Variants in EPHA3 observed in about 807,000 individuals in gnomAD.
EPHA3 encodes the protein EPH receptor A3.
EPHA3 carries 42 observed loss-of-function variants against 107.1 expected under a neutral mutation model. The ratio of observed to expected loss-of-function variants is 0.39; its 90% CI spans 0.31 to 0.51. The LOEUF is 0.51. Among genes scored for constraint, EPHA3 ranks in the 20% least tolerant of loss-of-function variants. The probability of loss-of-function intolerance (pLI) is 0.78; values close to 1 mark genes in which losing one functional copy is unlikely to be tolerated. For missense variants in EPHA3, 1,183 were observed against 1,211.2 expected (o/e 0.98, Z 0.35); for synonymous variants, 461 against 424.8 (o/e 1.09, Z -1.05).
intron 3 of EPHA3, among the ~76,000 whole-genome samples, chr3:89,256,419 A>G (rs997500172): frequency 1.5e-4 from 22 of 151,158 alleles, no homozygotes; most frequent in African/African-American, 5.4e-4. Context: ...AAAAACAAAA[A>G]AATTAGCTGG....
chr3:89,231,074 T>A (rs78549704), intron 3 of EPHA3, among the ~76,000 whole-genome samples: 33 of 152,246 alleles, frequency 2.2e-4, no homozygotes, highest in Middle Eastern at 3.4e-3. Context: ...AATTTTAAAA[T>A]AATTGAATTT....
chr3:89,138,986 T>C (rs1333668949), intron 2 of EPHA3, among the ~76,000 whole-genome samples: 1 of 150,800 alleles, frequency 6.6e-6, no homozygotes, highest in Non-Finnish European at 1.5e-5. Context: ...AACAAAAGAG[T>C]GTGTGTTGGG....
chr3:89,434,918 A>G (rs1028498249), intron 13 of EPHA3, among the ~76,000 whole-genome samples: 1 of 152,110 alleles, frequency 6.6e-6, no homozygotes, highest in African/African-American at 2.4e-5. Context: ...CAAAATATCC[A>G]TGGGAGTCCT....
In EPHA3 at chr3:89,472,489, A is replaced by C; in HGVS notation, c.2716A>C (p.Ser906Arg). Reference sequence around the variant, plus strand: ...GCCATCAAACCTTCTTCTGGACCAAAGCAATGTGGATATCACTACCTTCCG... The same window carrying C: ...GCCATCAAACCTTCTTCTGGACCAACGCAATGTGGATATCACTACCTTCCG... Reference protein sequence around the residue: ...ARPSNLLLDQSNVDITTFRTT... With the variant: ...ARPSNLLLDQRNVDITTFRTT... The change falls in exon 16 of 17, where the codon AGC (serine) becomes CGC (arginine). Residue 906 changes from serine to arginine, a missense_variant. By Grantham distance (110) the Ser-to-Arg change is moderately radical. Coordinates refer to ENST00000336596, the MANE Select transcript of EPHA3 (RefSeq NM_005233.6). 1.2e-6 allele frequency: 2 copies of C among 1,613,950 alleles called. No individual in the cohort carries two copies. The highest frequency in any genetic ancestry group is 1.7e-6 in the Non-Finnish European group (2 of 1,179,940).
At position 89,352,721 on chromosome 3, in the gene EPHA3, T is replaced by C. The variant is rs1436962880; in HGVS notation, c.1306+10631T>C. Among the ~76,000 whole-genome samples, 4 of 150,296 alleles carry C rather than the reference T, an allele frequency of 2.7e-5. 1 individual carries two copies. The highest frequency in any genetic ancestry group is 5.9e-5 in the Non-Finnish European group (4 of 67,284). On this transcript the variant is annotated intron_variant, in intron 5 of 16. Transcript: ENST00000336596. ...GAATTCAAGACCAGCCTGGTCAACA[T>C]GGTGAAACCCTGTCTCTACAAAAAT...
At chr3:89,250,015 C>T (rs769910379) in intron 3 of EPHA3, among the ~76,000 whole-genome samples, 19 of 152,134 alleles carry the variant, frequency 1.2e-4, no homozygotes, top group Non-Finnish European at 2.5e-4. Context: ...GACTTACTAG[C>T]TTCCTAACCA....
At chr3:89,328,577 T>C (rs1052711727) in intron 3 of EPHA3, among the ~76,000 whole-genome samples, 21 of 152,224 alleles carry the variant, frequency 1.4e-4, no homozygotes, top group African/African-American at 4.6e-4. Flanking sequence ...ATGTTAATGC[T>C]ACATTAGTTG....
intron 3 of EPHA3, among the ~76,000 whole-genome samples, chr3:89,279,598 C>T (rs1705891944): frequency 6.6e-6 from 1 of 152,012 alleles, no homozygotes; most frequent in African/African-American, 2.4e-5. Flanking sequence ...TAATGTAAAA[C>T]TTTGGCTAAT....
Position 89,450,342 on chromosome 3 carries a change from C to G in EPHA3, c.2662C>G (p.Leu888Val), listed in dbSNP as rs559771730. 6.2e-7 allele frequency: 1 copy of G among 1,613,458 alleles called. No individual in the cohort carries two copies. The highest frequency in any genetic ancestry group is 2.2e-5 in the East Asian group (1 of 44,850). Reference protein sequence around the residue: ...LDKLIRNPGSLKIITSAAARP... With the variant: ...LDKLIRNPGSVKIITSAAARP... ...CAAGCTTATCCGGAATCCCGGCAGC[C>G]TGAAGATCATCACCAGTGCAGCCGC... Residue 888 changes from leucine to valine, a missense_variant, in exon 15 of 17, where the codon CTG becomes GTG. Coordinates refer to ENST00000336596, the MANE Select transcript of EPHA3 (RefSeq NM_005233.6).
chr3:89,253,747 C>G (rs1705215730), intron 3 of EPHA3, among the ~76,000 whole-genome samples: 1 of 151,812 alleles, frequency 6.6e-6, no homozygotes, highest in Non-Finnish European at 1.5e-5. Context: ...AATAACAAAG[C>G]TCAAAATTAA....
At chr3:89,285,071 C>T (rs550138128) in intron 3 of EPHA3, among the ~76,000 whole-genome samples, 1 of 152,084 alleles carries the variant, frequency 6.6e-6, no homozygotes, top group African/African-American at 2.4e-5. Flanking sequence ...TGCAGTGAGC[C>T]GAGATCATGC....
At chr3:89,329,495 T>C (rs1458563870) in intron 3 of EPHA3, among the ~76,000 whole-genome samples, 1 of 152,116 alleles carries the variant, frequency 6.6e-6, no homozygotes, top group African/African-American at 2.4e-5. Context: ...ATATTTCCAA[T>C]ACGCTATTTT....
chr3:89,194,433 G>T (rs1397124533), intron 2 of EPHA3, among the ~76,000 whole-genome samples: 3 of 151,910 alleles, frequency 2.0e-5, no homozygotes, highest in Non-Finnish European at 4.4e-5. Context: ...CTAAGAGTAA[G>T]AAGATCTGGT....
intron 5 of EPHA3, 137 bp downstream of exon 5, chr3:89,342,227 A>T (rs1250976805): frequency 1.5e-6 from 1 of 656,138 alleles, no homozygotes; most frequent in Non-Finnish European, 2.5e-6. Context: ...ACATTTAAAC[A>T]GTTATGGCAC....
intron 14 of EPHA3, 89 bp from the exon 15 acceptor site, chr3:89,450,088 C>A: frequency 9.5e-7 from 1 of 1,055,478 alleles, no homozygotes; most frequent in Non-Finnish European, 1.3e-6. Context: ...TTAAAATAAG[C>A]ATATTTGTGA....
intron 2 of EPHA3, among the ~76,000 whole-genome samples, chr3:89,193,762 A>C (rs1705774078): frequency 6.6e-6 from 1 of 152,010 alleles, no homozygotes; most frequent in African/African-American, 2.4e-5. Flanking sequence ...TTTTTTAGAA[A>C]AATTTAATTA....
At chr3:89,165,031 G>T (rs953376264) in intron 2 of EPHA3, among the ~76,000 whole-genome samples, 1 of 152,134 alleles carries the variant, frequency 6.6e-6, no homozygotes, top group Non-Finnish European at 1.5e-5. Flanking sequence ...TTTAAAGATT[G>T]CAGGTCCTTC....
At chr3:89,335,093 A>AAT in intron 3 of EPHA3, among the ~76,000 whole-genome samples, 1 of 152,332 alleles carries the variant, frequency 6.6e-6, no homozygotes, top group South Asian at 2.1e-4. Context: ...TATTACTATA[A>AAT]GACACAATAA....
intron 15 of EPHA3, among the ~76,000 whole-genome samples, chr3:89,460,438 A>G (rs1710201449): frequency 1.3e-5 from 2 of 152,168 alleles, no homozygotes; most frequent in African/African-American, 4.8e-5. Flanking sequence ...ATTTAATTGA[A>G]ATGTTTTTAA....
Sources: gnomAD v4.1 joint callset for allele counts (sites outside exome capture counted in the v4.1 genomes callset) on GRCh38, gnomAD v4.1.1 for gene constraint, MANE v1.5 for transcripts, NCBI Gene and HGNC (gene_info 2026-07-23, HGNC 2026-07-21) for gene names.